Variants in GPR158 observed in about 807,000 individuals in gnomAD.
The protein encoded by GPR158 is G protein-coupled receptor 158.
GPR158 carries 30 observed loss-of-function variants against 78.2 expected under a neutral mutation model. That is an observed-to-expected ratio of 0.38 (90% CI 0.29 to 0.52). GPR158 has a LOEUF of 0.52. Among genes scored for constraint, GPR158 ranks in the 20% least tolerant of loss-of-function variants. GPR158 has a pLI of 0.83. For synonymous variants in GPR158, 581 were observed against 591.1 expected (o/e 0.98, Z 0.25); for missense variants, 1,463 against 1,523.5 (o/e 0.96, Z 0.66).
At chr10:25,187,796 G>C (rs1588724794) in intron 1 of GPR158, among the ~76,000 whole-genome samples, 1 of 152,150 alleles carries the variant, frequency 6.6e-6, no homozygotes, top group Non-Finnish European at 1.5e-5. Flanking sequence ...AATCAGGCAG[G>C]AGAAAGAAAT....
At chr10:25,588,940 G>C in intron 7 of GPR158, 67 bp from the exon 8 acceptor site, 1 of 1,122,982 alleles carries the variant, frequency 8.9e-7, no homozygotes. Flanking sequence ...TAAACAAAAT[G>C]CATGCTAAAG....
At chr10:25,430,038 G>T (rs1361227601) in intron 4 of GPR158, among the ~76,000 whole-genome samples, 1 of 145,044 alleles carries the variant, frequency 6.9e-6, no homozygotes, top group Non-Finnish European at 1.5e-5. Flanking sequence ...AGGAAATAAA[G>T]GGTATTCAAT....
chr10:25,412,289 A>C lies in GPR158; in HGVS notation c.1151A>C (p.Asp384Ala). The C allele has an allele frequency of 6.2e-7, 1 of 1,614,104 alleles. No homozygotes were observed. Among genetic ancestry groups the C allele is most frequent in the Non-Finnish European group, 8.5e-7 (1 of 1,179,968 alleles). Residue 384 changes from aspartate (D) to alanine (A), a missense_variant, in exon 4 of 11, where the codon GAT (aspartate) becomes GCT (alanine). By Grantham distance (126) the Asp-to-Ala change is moderately radical (BLOSUM62 -2). Transcript: ENST00000376351. ...PDQHISGSTK[D>A]VSEEAYVCLP... Reference sequence around the variant, plus strand: ...CAGCATATTTCAGGAAGTACAAAAGATGTGTCAGAAGAAGCCTATGTCTGC... The same window carrying C: ...CAGCATATTTCAGGAAGTACAAAAGCTGTGTCAGAAGAAGCCTATGTCTGC...
At chr10:25,235,397 A>G (rs966611101) in intron 2 of GPR158, among the ~76,000 whole-genome samples, 2 of 148,946 alleles carry the variant, frequency 1.3e-5, no homozygotes, top group Non-Finnish European at 3.0e-5. Context: ...TAACATATCT[A>G]TCTTCTCACA....
intron 2 of GPR158, among the ~76,000 whole-genome samples, chr10:25,361,874 A>C (rs1203224369): frequency 6.6e-6 from 1 of 151,932 alleles, no homozygotes; most frequent in Non-Finnish European, 1.5e-5. Flanking sequence ...AATTTTGGAT[A>C]TTAACCCTTT....
At chr10:25,251,428 G>A (rs1853797459) in intron 2 of GPR158, among the ~76,000 whole-genome samples, 1 of 151,726 alleles carries the variant, frequency 6.6e-6, no homozygotes, top group African/African-American at 2.4e-5. Flanking sequence ...TTACATTTTG[G>A]CATGAATTTG....
At chr10:25,476,790 G>A (rs1285999569) in intron 5 of GPR158, among the ~76,000 whole-genome samples, 1 of 152,106 alleles carries the variant, frequency 6.6e-6, no homozygotes, top group East Asian at 1.9e-4. Flanking sequence ...GGCTGGGAAG[G>A]CCCATGTTGT....
At chr10:25,222,972 G>A (rs1006805968) in intron 2 of GPR158, among the ~76,000 whole-genome samples, 16 of 152,152 alleles carry the variant, frequency 1.1e-4, no homozygotes, top group African/African-American at 3.9e-4. Flanking sequence ...CATACTGAAA[G>A]AACCTCTTTC....
chr10:25,197,938 C>G (rs370802435), intron 1 of GPR158, among the ~76,000 whole-genome samples: 6 of 151,856 alleles, frequency 4.0e-5, no homozygotes, highest in African/African-American at 9.7e-5. Flanking sequence ...TTTAAAGAAC[C>G]CTGTGGATGT....
chr10:25,570,314 T>TA (rs1324265089), intron 6 of GPR158, among the ~76,000 whole-genome samples: 1 of 152,200 alleles, frequency 6.6e-6, no homozygotes, highest in Non-Finnish European at 1.5e-5. Context: ...GAAAAGCATT[T>TA]AAAAAGTATA....
chr10:25,386,974 C>A (rs1359639664), intron 2 of GPR158, among the ~76,000 whole-genome samples: 2 of 151,574 alleles, frequency 1.3e-5, no homozygotes, highest in Admixed American at 6.6e-5. Flanking sequence ...AGTTTTTTTT[C>A]TTGACTAATT....
chr10:25,249,153 A>ATG (rs1853751216), intron 2 of GPR158, among the ~76,000 whole-genome samples: 4 of 152,102 alleles, frequency 2.6e-5, no homozygotes, highest in South Asian at 2.1e-4. Context: ...ATTTTTGTAC[A>ATG]TTGATTTTGT....
At chr10:25,261,508 C>T (rs1192638820) in intron 2 of GPR158, among the ~76,000 whole-genome samples, 1 of 151,816 alleles carries the variant, frequency 6.6e-6, no homozygotes, top group East Asian at 1.9e-4. Context: ...TGTTTTCCTC[C>T]ACTGAGAAAT....
chr10:25,550,415 A>G (rs1836711715), intron 5 of GPR158, among the ~76,000 whole-genome samples: 1 of 152,118 alleles, frequency 6.6e-6, no homozygotes, highest in Non-Finnish European at 1.5e-5. Context: ...GATGCAGTAT[A>G]CGGCAATCTC....
intron 2 of GPR158, among the ~76,000 whole-genome samples, chr10:25,372,311 G>A (rs1834007225): frequency 6.6e-6 from 1 of 151,782 alleles, no homozygotes; most frequent in Non-Finnish European, 1.5e-5. Flanking sequence ...GATTCCTCAG[G>A]GATCTAGAAC....
chr10:25,552,345 T>G (rs1425694167), intron 6 of GPR158, among the ~76,000 whole-genome samples: 1 of 152,132 alleles, frequency 6.6e-6, no homozygotes, highest in Non-Finnish European at 1.5e-5. Context: ...TTCCATTTCT[T>G]ATATGATAGC....
chr10:25,525,098 AATAAAAAAGATAG>A (rs1379514774), intron 5 of GPR158, among the ~76,000 whole-genome samples: 5 of 152,174 alleles, frequency 3.3e-5, no homozygotes, highest in South Asian at 2.1e-4. Flanking sequence ...GGATGGCTGT[AATAAAAAAGATAG>A]ATAAAAAAGA....
intron 6 of GPR158, among the ~76,000 whole-genome samples, chr10:25,557,938 T>C (rs1203900796): frequency 6.6e-6 from 1 of 152,268 alleles, no homozygotes; most frequent in Non-Finnish European, 1.5e-5. Context: ...GCTTTACTTA[T>C]TTTGTCCCAT....
intron 2 of GPR158, among the ~76,000 whole-genome samples, chr10:25,370,064 C>A (rs966597500): frequency 3.2e-4 from 47 of 148,618 alleles, no homozygotes; most frequent in African/African-American, 1.1e-3. Context: ...CTCTTTTTTT[C>A]TTTATTAGTC....
Sources: allele counts gnomAD v4.1 joint callset (sites outside exome capture counted in the v4.1 genomes callset), GRCh38; gene constraint gnomAD v4.1.1; transcripts MANE v1.5; gene names NCBI Gene and HGNC (gene_info 2026-07-23, HGNC 2026-07-21).